The following PRKG1 variants were observed in gnomAD, a reference collection of about 807,000 sequenced individuals.
PRKG1 encodes the protein protein kinase cGMP-dependent 1, also known as cGMP-dependent protein kinase 1.
PRKG1 carries 35 observed loss-of-function variants against 88.1 expected under a neutral mutation model. The observed-to-expected ratio is 0.40, with a 90% CI of 0.30 to 0.53. PRKG1 has a LOEUF of 0.53. Among genes scored for constraint, PRKG1 ranks in the 20% least tolerant of loss-of-function variants. The pLI is 0.59. For missense variants in PRKG1, 540 were observed against 839.8 expected (o/e 0.64, Z 4.41); for synonymous variants, 303 against 292.5 (o/e 1.04, Z -0.37).
At chr10:51,600,730 C>A (rs1838575803) in intron 3 of PRKG1, among the ~76,000 whole-genome samples, 1 of 152,088 alleles carries the variant, frequency 6.6e-6, no homozygotes, top group Admixed American at 6.5e-5. Flanking sequence ...TTCAGCTGAG[C>A]CACATTTCAA....
intron 3 of PRKG1, among the ~76,000 whole-genome samples, chr10:51,477,686 CA>C (rs1231466228): frequency 6.6e-6 from 1 of 152,000 alleles, no homozygotes; most frequent in African/African-American, 2.4e-5. Context: ...GTTATCCTCA[CA>C]GTTGGTGCTA....
intron 9 of PRKG1, among the ~76,000 whole-genome samples, chr10:52,212,592 TG>T (rs1393454175): frequency 6.7e-6 from 1 of 150,286 alleles, no homozygotes; most frequent in Admixed American, 6.7e-5. Context: ...TCCATATGGC[TG>T]TTGGGGGGAG....
At chr10:52,112,635 G>A (rs967466848) in intron 7 of PRKG1, among the ~76,000 whole-genome samples, 2 of 151,832 alleles carry the variant, frequency 1.3e-5, no homozygotes, top group African/African-American at 4.8e-5. Context: ...TTCTATTCCT[G>A]TGAGAGCTTT....
At chr10:51,279,705 C>T (rs926364689) in intron 2 of PRKG1, among the ~76,000 whole-genome samples, 5 of 151,518 alleles carry the variant, frequency 3.3e-5, no homozygotes, top group Non-Finnish European at 7.4e-5. Flanking sequence ...GCAACCCCTG[C>T]CTTTGTTTTC....
intron 5 of PRKG1, among the ~76,000 whole-genome samples, chr10:52,027,618 T>G (rs571377675): frequency 6.6e-6 from 1 of 152,150 alleles, no homozygotes; most frequent in Non-Finnish European, 1.5e-5. Context: ...AAGGAGGTAA[T>G]AATTCAGTCA....
intron 5 of PRKG1, chr10:51,908,083 C>G (rs1298018502): frequency 6.6e-6 from 1 of 152,232 alleles, no homozygotes; most frequent in Middle Eastern, 3.1e-3. Context: ...ATTAGGCTAT[C>G]CTTTTGTAGA....
chr10:52,258,014 T>A (rs1350589542), intron 10 of PRKG1, among the ~76,000 whole-genome samples: 1 of 139,572 alleles, frequency 7.2e-6, no homozygotes, highest in Non-Finnish European at 1.6e-5. Flanking sequence ...ATAAATTTCT[T>A]TTGTACATTG....
intron 9 of PRKG1, among the ~76,000 whole-genome samples, chr10:52,237,203 G>A (rs1840710021): frequency 7.1e-6 from 1 of 140,992 alleles, no homozygotes; most frequent in African/African-American, 2.7e-5. Flanking sequence ...CAAATCCACA[G>A]CCAATATCAT....
chr10:52,048,927 G>A (rs1026352379), intron 5 of PRKG1, among the ~76,000 whole-genome samples: 2 of 152,118 alleles, frequency 1.3e-5, no homozygotes, highest in African/African-American at 4.8e-5. Flanking sequence ...CCTATTTTGT[G>A]TTAGGCACTG....
intron 2 of PRKG1, among the ~76,000 whole-genome samples, chr10:51,216,598 G>A (rs1227832207): frequency 2.0e-5 from 3 of 152,132 alleles, no homozygotes; most frequent in Non-Finnish European, 4.4e-5. Context: ...ACAGTAACTG[G>A]CACTATATAA....
intron 3 of PRKG1, among the ~76,000 whole-genome samples, chr10:51,731,040 C>G (rs1842260239): frequency 6.6e-6 from 1 of 152,050 alleles, no homozygotes; most frequent in African/African-American, 2.4e-5. Context: ...CCTGTAATCC[C>G]AGCTACTCGG....
chr10:51,986,643 T>C (rs147614536), intron 5 of PRKG1, among the ~76,000 whole-genome samples: 17 of 152,314 alleles, frequency 1.1e-4, no homozygotes, highest in Middle Eastern at 3.4e-3. Flanking sequence ...ACATGAACTA[T>C]GGTCTCTAGA....
chr10:51,813,034 T>C (rs910257792), intron 4 of PRKG1, among the ~76,000 whole-genome samples: 1 of 152,180 alleles, frequency 6.6e-6, no homozygotes, highest in Non-Finnish European at 1.5e-5. Flanking sequence ...CTGGGCCAAA[T>C]GTGTTGTTGA....
In PRKG1 at chr10:51,615,461, T is replaced by A. The variant is rs967034193; in HGVS notation, c.592+147625T>A. Among the ~76,000 whole-genome samples, 8 of 152,292 alleles carry A rather than the reference T, an allele frequency of 5.3e-5. No homozygotes were observed. The South Asian group carries it at 1.2e-3, about 24-fold the overall frequency. ...ATTTTCTCTTTTCTCTCCAGGATAC[T>A]GATAACTCAAATATTTTGTCACTTT... is the stretch of plus-strand genomic sequence containing the variant. On this transcript the variant is annotated intron_variant, in intron 3 of 17. Transcript: ENST00000373980.
Position 51,049,742 on chromosome 10 carries a change from T to C in PRKG1, c.266+58098T>C, listed in dbSNP as rs541114166. Among the ~76,000 whole-genome samples the C allele has an allele frequency of 2.0e-5, 3 of 152,358 alleles. No individual in the cohort carries two copies. In the South Asian group the frequency reaches 6.2e-4, roughly 32 times the overall value. On this transcript the variant is annotated intron_variant, in intron 1 of 17. Transcript: ENST00000401604. ...CACCTAGTGACACCTTCACAGGGTCTTATGCCCAACATATAATTACTGATT... is the reference window on the plus strand; with the variant it reads ...CACCTAGTGACACCTTCACAGGGTCCTATGCCCAACATATAATTACTGATT...
intron 5 of PRKG1, among the ~76,000 whole-genome samples, chr10:51,936,636 T>G (rs537918040): frequency 6.6e-6 from 1 of 152,010 alleles, no homozygotes; most frequent in East Asian, 1.9e-4. Flanking sequence ...ATGCTGGGGG[T>G]AGAGAGTATG....
chr10:51,726,985 T>C (rs1420762175), intron 3 of PRKG1, among the ~76,000 whole-genome samples: 2 of 152,018 alleles, frequency 1.3e-5, no homozygotes, highest in African/African-American at 4.8e-5. Flanking sequence ...TTCACCATAT[T>C]AGCCAAGCTG....
chr10:51,895,125 T>A (rs1024975707), intron 4 of PRKG1, among the ~76,000 whole-genome samples: 4 of 152,220 alleles, frequency 2.6e-5, no homozygotes, highest in Admixed American at 6.5e-5. Flanking sequence ...GGACTGAGAC[T>A]TATTGAATGA....
At chr10:51,974,987 T>C (rs540833503) in intron 5 of PRKG1, among the ~76,000 whole-genome samples, 3 of 152,144 alleles carry the variant, frequency 2.0e-5, no homozygotes, top group Admixed American at 1.3e-4. Flanking sequence ...TCTGGAATAG[T>C]AGGAAATAAG....
Sources: gnomAD v4.1 joint callset for allele counts (sites outside exome capture counted in the v4.1 genomes callset) on GRCh38, gnomAD v4.1.1 for gene constraint, MANE v1.5 for transcripts, NCBI Gene and HGNC (gene_info 2026-07-23, HGNC 2026-07-21) for gene names.